The following ITPRIPL1 variants were observed in gnomAD, a reference collection of about 807,000 sequenced individuals.
ITPRIPL1 encodes the protein inositol 1,4,5-trisphosphate receptor-interacting protein-like 1.
A neutral mutation model predicts 40.0 loss-of-function variants in ITPRIPL1; 28 were observed. That is an observed-to-expected ratio of 0.70 (90% CI 0.52 to 0.96). The LOEUF (loss-of-function observed/expected upper bound fraction) is 0.96. Among genes scored for constraint, ITPRIPL1 ranks in the 40% least tolerant of loss-of-function variants. The probability of loss-of-function intolerance (pLI) is 0.00; values close to 1 mark genes in which losing one functional copy is unlikely to be tolerated. For synonymous variants in ITPRIPL1, 251 were observed against 275.7 expected (o/e 0.91, Z 0.89); for missense variants, 638 against 698.0 (o/e 0.91, Z 0.97).
downstream of ITPRIPL1, chr2:96,328,395 C>A: frequency 2.4e-6 from 3 of 1,270,782 alleles, no homozygotes; most frequent in Non-Finnish European, 3.3e-6. Context: ...GTATATGTGA[C>A]CTTCACCTTG....
At chr2:96,328,382 G>A, downstream of ITPRIPL1, 1 of 1,363,582 alleles carries the variant, frequency 7.3e-7, no homozygotes, top group Non-Finnish European at 1.0e-6. Flanking sequence ...AGATATATCA[G>A]TGGTATATGT....
chr2:96,327,469 G>A lies in ITPRIPL1; in HGVS notation c.838G>A (p.Gly280Arg), dbSNP rs17853311. ...ECVCKREKLL[G>R]DVLCLVHHHR... ...TGTGTGCAAGCGTGAGAAACTCCTA[G>A]GGGACGTGCTGTGCCTGGTGCACCA... The change falls in exon 3 of 3, where the codon GGG (glycine) becomes AGG (arginine). Residue 280 changes from glycine to arginine, a missense_variant. Coordinates refer to ENST00000439118, the MANE Select transcript of ITPRIPL1 (RefSeq NM_001008949.3). 1 of 1,614,042 alleles carries A rather than the reference G, an allele frequency of 6.2e-7. No individual in the cohort carries two copies. Among genetic ancestry groups the A allele is most frequent in the Non-Finnish European group, 8.5e-7 (1 of 1,179,978 alleles).
rs769658477 is a variant in ITPRIPL1 at position 96,328,020 on chromosome 2, G to A, written c.1389G>A (p.Thr463=). ...LMHLLLRLPL[T]DWAHNMLSQR... Reference sequence around the variant, plus strand: ...ACCTCTTGCTACGGCTGCCCCTCACGGACTGGGCCCACAACATGCTCTCTC... The same window carrying A: ...ACCTCTTGCTACGGCTGCCCCTCACAGACTGGGCCCACAACATGCTCTCTC... The change falls in exon 3 of 3, where the codon ACG becomes ACA. Residue 463 remains threonine (T), a synonymous_variant. Coordinates refer to ENST00000439118, the MANE Select transcript of ITPRIPL1 (RefSeq NM_001008949.3). 45 of 1,614,012 alleles carry A rather than the reference G, an allele frequency of 2.8e-5. No individual in the cohort carries two copies. Among genetic ancestry groups the A allele is most frequent in the Middle Eastern group, 3.3e-4 (2 of 6,084 alleles).
In ITPRIPL1 at chr2:96,327,444, T is replaced by C; in HGVS notation, c.813T>C (p.Cys271=). The change falls in exon 3 of 3, where the codon TGT becomes TGC. Residue 271 remains cysteine, a synonymous_variant. Coordinates refer to ENST00000439118, the MANE Select transcript of ITPRIPL1 (RefSeq NM_001008949.3). The part of the protein sequence containing the change: ...RCGCVLVESE[C]VCKREKLLGD... ...GCTGTGTGCTGGTGGAGTCAGAATGTGTGTGCAAGCGTGAGAAACTCCTAG... is the reference window on the plus strand; with the variant it reads ...GCTGTGTGCTGGTGGAGTCAGAATGCGTGTGCAAGCGTGAGAAACTCCTAG... 1.2e-6 allele frequency: 2 copies of C among 1,613,916 alleles called. No individual in the cohort carries two copies. Among genetic ancestry groups the C allele is most frequent in the East Asian group, 2.2e-5 (1 of 44,870 alleles).
At position 96,326,940 on chromosome 2, in the gene ITPRIPL1, G is replaced by A. The variant is rs1158804602; in HGVS notation, c.309G>A (p.Gly103=). The A allele has an allele frequency of 6.2e-7, 1 of 1,614,158 alleles. No individual in the cohort carries two copies. The highest frequency in any genetic ancestry group is 1.3e-5 in the African/African-American group (1 of 74,960). The change falls in exon 3 of 3, where the codon GGG becomes GGA. Residue 103 remains glycine, a synonymous_variant. Coordinates refer to ENST00000439118, the MANE Select transcript of ITPRIPL1 (RefSeq NM_001008949.3). ...GWPFQADGQE[G]PLGWMLGNLW... is the part of the protein sequence containing the mutation. ...CGTTCCAGGCCGATGGCCAGGAAGG[G>A]CCTCTGGGCTGGATGCTGGGAAACC...
At chr2:96,326,094 C>CT (rs1325932369) in intron 2 of ITPRIPL1, 2 of 1,365,282 alleles carry the variant, frequency 1.5e-6, no homozygotes, top group African/African-American at 2.9e-5. Flanking sequence ...CTTGCGCTCC[C>CT]TGGGCAGAGA....
At chr2:96,326,508 A>C (rs1408801973) in intron 2 of ITPRIPL1, 134 bp from the exon 3 acceptor site, 65 of 1,555,476 alleles carry the variant, frequency 4.2e-5, no homozygotes, top group Non-Finnish European at 5.5e-5. Context: ...GTCCAAGCCA[A>C]GCTCTGTGGG....
intron 2 of ITPRIPL1, chr2:96,326,194 C>T (rs2104386330): frequency 6.9e-7 from 1 of 1,454,644 alleles, no homozygotes; most frequent in East Asian, 3.0e-5. Context: ...CTACAACTGG[C>T]TGCCGGGGCA....
At position 96,328,232 on chromosome 2, in the gene ITPRIPL1, A is replaced by T. The variant is rs772148277; in HGVS notation, c.1601A>T (p.Glu534Val). ...LNPKAHSQAV[E>V]EFQNLLTQVK... ...CCCAAGGCACATTCACAGGCAGTGG[A>T]AGAGTTCCAAAACCTTCTGACCCAG... Residue 534 changes from glutamate to valine, a missense_variant, in exon 3 of 3, where the codon GAA becomes GTA. Transcript: ENST00000439118. 34 of 1,614,138 alleles carry T rather than the reference A, an allele frequency of 2.1e-5. No individual in the cohort carries two copies. Among genetic ancestry groups the T allele is most frequent in the Non-Finnish European group, 2.9e-5 (34 of 1,180,016 alleles).
At chr2:96,329,533 T>C (rs1397199032), downstream of ITPRIPL1, 1 of 151,158 alleles carries the variant, frequency 6.6e-6, no homozygotes, top group East Asian at 2.0e-4. Context: ...GCTGTGCTTT[T>C]TCTGTCTGGC....
In ITPRIPL1 at chr2:96,328,029, C is replaced by G; in HGVS notation, c.1398C>G (p.Ala466=). ...TACGGCTGCCCCTCACGGACTGGGC[C>G]CACAACATGCTCTCTCAGCGGCTCC... The part of the protein sequence containing the change: ...LLLRLPLTDW[A]HNMLSQRLQD... The change falls in exon 3 of 3, where the codon GCC becomes GCG. Residue 466 remains alanine, a synonymous_variant. Transcript: ENST00000439118. 2 of 1,614,162 alleles carry G rather than the reference C, an allele frequency of 1.2e-6. No individual in the cohort carries two copies. Among genetic ancestry groups the G allele is most frequent in the East Asian group, 4.5e-5 (2 of 44,886 alleles).
downstream of ITPRIPL1, chr2:96,329,324 C>A (rs1290217864): frequency 1.3e-5 from 2 of 151,144 alleles, no homozygotes; most frequent in Non-Finnish European, 2.9e-5. Flanking sequence ...TCAATAGTAA[C>A]CTGTCTCATA....
rs1482899488 is a variant in ITPRIPL1, at chr2:96,326,980, C to T, written c.349C>T (p.Leu117Phe). ...WMLGNLWNTG[L>F]FCLFLVFELL... ...GCTGGGAAACCTGTGGAACACTGGC[C>T]TCTTTTGCCTTTTTCTCGTCTTTGA... Residue 117 changes from leucine to phenylalanine, a missense_variant, in exon 3 of 3, where the codon CTC (leucine) becomes TTC (phenylalanine). By Grantham distance (22) the Leu-to-Phe change is conservative. Coordinates refer to ENST00000439118, the MANE Select transcript of ITPRIPL1 (RefSeq NM_001008949.3). 3.1e-6 allele frequency: 5 copies of T among 1,614,212 alleles called. No individual in the cohort carries two copies. The highest frequency in any genetic ancestry group is 4.5e-5 in the East Asian group (2 of 44,882).
rs1281100376 is a variant in ITPRIPL1 at position 96,327,824 on chromosome 2, T to C, written c.1193T>C (p.Phe398Ser). Residue 398 changes from phenylalanine (F) to serine (S), a missense_variant, in exon 3 of 3, where the codon TTT becomes TCT. By Grantham distance (155) the Phe-to-Ser change is radical. Transcript: ENST00000439118. ...QLTSVDWPES[F>S]VACEHLFLKL... ...ACCAGTGTGGACTGGCCTGAGTCCTTTGTGGCCTGTGAGCACCTGTTCCTG... is the reference window on the plus strand; with the variant it reads ...ACCAGTGTGGACTGGCCTGAGTCCTCTGTGGCCTGTGAGCACCTGTTCCTG... 1.4e-5 allele frequency: 22 copies of C among 1,614,118 alleles called. No individual in the cohort carries two copies. The highest frequency in any genetic ancestry group is 1.9e-5 in the Non-Finnish European group (22 of 1,180,018).
At chr2:96,328,405 G>C, downstream of ITPRIPL1, 3 of 1,141,144 alleles carry the variant, frequency 2.6e-6, no homozygotes, top group Non-Finnish European at 3.7e-6. Context: ...CCTTCACCTT[G>C]CCAGTGGGGG....
At position 96,325,521 on chromosome 2, in the gene ITPRIPL1, A is replaced by C; in HGVS notation, c.-138A>C. On this transcript the variant is annotated 5_prime_UTR_variant, in exon 1 of 3. Coordinates refer to ENST00000439118, the MANE Select transcript of ITPRIPL1 (RefSeq NM_001008949.3). ...TGCCGGGAAAAAAGCAGTGGCGGTC[A>C]GGCCGCGCTGTCTCTTTAAGATCGT... is the stretch of plus-strand genomic sequence containing the variant. 2.2e-6 allele frequency: 1 copy of C among 457,150 alleles called. No homozygotes were observed. 28.3% of individuals were successfully genotyped at this position (457,150 alleles called of 1,614,324 possible).
In ITPRIPL1 at chr2:96,326,771, G is replaced by A. The variant is rs778528247; in HGVS notation, c.140G>A (p.Arg47Gln). The A allele has an allele frequency of 2.5e-6, 4 of 1,614,212 alleles. 1 individual carries two copies. Among genetic ancestry groups the A allele is most frequent in the South Asian group, 2.2e-5 (2 of 91,082 alleles). ...GCCAGGAGTCGGCAGCTGGAGAAGCGAATGAGTGAGGAGATGCGCCTGCTA... is the reference window on the plus strand; with the variant it reads ...GCCAGGAGTCGGCAGCTGGAGAAGCAAATGAGTGAGGAGATGCGCCTGCTA... ...TLARSRQLEKRMSEEMRLLEM... is the reference protein window; with the variant it reads ...TLARSRQLEKQMSEEMRLLEM... Residue 47 changes from arginine to glutamine, a missense_variant, in exon 3 of 3, where the codon CGA (arginine) becomes CAA (glutamine). Coordinates refer to ENST00000439118, the MANE Select transcript of ITPRIPL1 (RefSeq NM_001008949.3).
At position 96,326,863 on chromosome 2, in the gene ITPRIPL1, G is replaced by A; in HGVS notation, c.232G>A (p.Gly78Arg). 1 of 1,614,246 alleles carries A rather than the reference G, an allele frequency of 6.2e-7. No individual in the cohort carries two copies. Among genetic ancestry groups the A allele is most frequent in the Non-Finnish European group, 8.5e-7 (1 of 1,180,042 alleles). The change falls in exon 3 of 3, where the codon GGA (glycine) becomes AGA (arginine). Residue 78 changes from glycine (G) to arginine (R), a missense_variant. Physicochemically the swap from Gly to Arg is moderately radical, Grantham distance 125. Transcript: ENST00000439118. ...GCAGAAGGCAGAGAACTTCTGGACA[G>A]GAGACACATCCAGTGACCAGTTAGT... The part of the protein sequence containing the change: ...QRQKAENFWT[G>R]DTSSDQLVLG...
Position 96,326,652 on chromosome 2 carries a change from C to G in ITPRIPL1, c.21C>G (p.Ala7=). 6.2e-7 allele frequency: 1 copy of G among 1,614,196 alleles called. No homozygotes were observed. The highest frequency in any genetic ancestry group is 8.5e-7 in the Non-Finnish European group (1 of 1,180,044). Residue 7 remains alanine (A), a synonymous_variant, in exon 3 of 3, where the codon GCC becomes GCG. Coordinates refer to ENST00000439118, the MANE Select transcript of ITPRIPL1 (RefSeq NM_001008949.3). ...CTCCTACTTCTCCAGATGCAGAGGC[C>G]TCCATGGCTGTGATAAGCCTGCTGT... MNVDAE[A]SMAVISLLFL...
Sources: gnomAD v4.1 joint callset for allele counts on GRCh38, gnomAD v4.1.1 for gene constraint, MANE v1.5 for transcripts, NCBI Gene and HGNC (gene_info 2026-07-23, HGNC 2026-07-21) for gene names.